TSPAN19: variants seen among roughly 807,000 people sequenced by gnomAD.
TSPAN19 encodes the protein tetraspanin 19.
A neutral mutation model predicts 35.1 loss-of-function variants in TSPAN19; 44 were observed. That is an observed-to-expected ratio of 1.25 (90% confidence interval 0.98 to 1.61). TSPAN19 has a LOEUF of 1.61. Among genes scored for constraint, TSPAN19 ranks in the 40% most tolerant of loss-of-function variants. TSPAN19 has a pLI of 0.00. For synonymous variants in TSPAN19, 79 were observed against 92.0 expected (o/e 0.86, Z 0.81); for missense variants, 290 against 280.0 (o/e 1.04, Z -0.26).
chr12:85,015,832 A>G (rs1016802372), intron 8 of TSPAN19, 56 bp downstream of exon 8: 1 of 1,310,496 alleles, frequency 7.6e-7, no homozygotes, highest in Middle Eastern at 1.9e-4. Flanking sequence ...TCTGCAGTCT[A>G]TTCTGTATAG....
chr12:85,033,627 G>T (rs1209882444), intron 1 of TSPAN19, among the ~76,000 whole-genome samples: 1 of 151,944 alleles, frequency 6.6e-6, no homozygotes, highest in Non-Finnish European at 1.5e-5. Flanking sequence ...CTTTATCGTC[G>T]ATATTTTGCA....
intron 5 of TSPAN19, among the ~76,000 whole-genome samples, chr12:85,020,181 A>G (rs1444623552): frequency 6.6e-6 from 1 of 151,804 alleles, no homozygotes; most frequent in Non-Finnish European, 1.5e-5. Flanking sequence ...TTTATTTTAC[A>G]ACTTTAGAAG....
intron 5 of TSPAN19, among the ~76,000 whole-genome samples, chr12:85,020,063 C>T (rs957891520): frequency 1.3e-5 from 2 of 151,834 alleles, no homozygotes; most frequent in Non-Finnish European, 2.9e-5. Flanking sequence ...TTATATAAGC[C>T]AAAAAAGTTT....
rs74792925 is a variant in TSPAN19, at chr12:85,015,402, T to C, written c.678+486A>G. 2,914 of 152,086 alleles carry C rather than the reference T, an allele frequency of 0.019. 131 individuals carry two copies. In the East Asian group the frequency reaches 0.2, roughly 11 times the overall value. The allele number at this position is 152,086 out of a possible 1,614,324, so 9.4% of individuals were successfully genotyped here. ...CATGACACACAGTAAATGCTCCCCG[T>C]CCCTCCAAATACATTGAATGAATGA... On this transcript the variant is annotated intron_variant, in intron 8 of 8. Transcript: ENST00000532498.
Position 85,023,383 on chromosome 12 carries a change from T to C in TSPAN19, c.282A>G (p.Thr94=). The C allele has an allele frequency of 1.9e-6, 3 of 1,585,924 alleles. No individual in the cohort carries two copies. The highest frequency in any genetic ancestry group is 1.7e-6 in the Non-Finnish European group (2 of 1,164,906). ...WLLIVYAVLI[T]WTFAVQVVLS... is the part of the protein sequence containing the mutation. Reference sequence around the variant, plus strand: ...GTACAACCTGAACAGCAAAGGTCCATGTTATCAATACTGCATACTAAAACA... The same window carrying C: ...GTACAACCTGAACAGCAAAGGTCCACGTTATCAATACTGCATACTAAAACA... The change falls in exon 5 of 9, where the codon ACA becomes ACG. Residue 94 remains threonine (T), a synonymous_variant. Coordinates refer to ENST00000532498, the MANE Select transcript of TSPAN19 (RefSeq NM_001100917.2).
chr12:85,033,183 T>C (rs996223065), intron 1 of TSPAN19, among the ~76,000 whole-genome samples: 2 of 151,852 alleles, frequency 1.3e-5, no homozygotes, highest in African/African-American at 4.8e-5. Flanking sequence ...CCTAGTTAGA[T>C]AAAAATGGGA....
At chr12:85,017,280 G>C (rs1876864956) in intron 7 of TSPAN19, 176 bp downstream of exon 7, 2 of 590,894 alleles carry the variant, frequency 3.4e-6, no homozygotes, top group Non-Finnish European at 5.9e-6. Flanking sequence ...TTATACACTG[G>C]AAATGACACT....
At chr12:85,015,353 G>T (rs1186443594) in intron 8 of TSPAN19, 1 of 151,980 alleles carries the variant, frequency 6.6e-6, no homozygotes, top group East Asian at 1.9e-4. Flanking sequence ...GCATCTCATT[G>T]TATATTCAAC....
Position 85,019,027 on chromosome 12 carries a change from G to A in TSPAN19, c.450+599C>T, listed in dbSNP as rs534655904. Among the ~76,000 whole-genome samples the A allele has an allele frequency of 1.1e-4, 17 of 151,850 alleles. No homozygotes were observed. In the South Asian group the frequency reaches 3.3e-3, roughly 30 times the overall value. On this transcript the variant is annotated intron_variant, in intron 6 of 8. Transcript: ENST00000532498. ...CTTACCCTTCCACTGCACCTGTCTG[G>A]AAAAATCTGCACTGTGAAATAATAA...
At chr12:85,025,012 A>T (rs1425553490) in intron 4 of TSPAN19, among the ~76,000 whole-genome samples, 2 of 152,140 alleles carry the variant, frequency 1.3e-5, no homozygotes, top group Admixed American at 6.5e-5. Flanking sequence ...GAGAAAAAAA[A>T]ATTCAGAGAC....
chr12:85,026,226 A>G (rs1268291469), intron 4 of TSPAN19, among the ~76,000 whole-genome samples: 1 of 152,100 alleles, frequency 6.6e-6, no homozygotes, highest in Admixed American at 6.6e-5. Context: ...CTTTGCCTAT[A>G]TGGAAATTTG....
rs539527476 is a variant in TSPAN19, at chr12:85,015,570, A to G, written c.678+318T>C. The G allele has an allele frequency of 2.0e-3, 356 of 178,094 alleles. 3 individuals are homozygous for G. Among genetic ancestry groups the G allele is most frequent in the African/African-American group, 7.9e-3 (335 of 42,524 alleles). 11.0% of individuals were successfully genotyped at this position (178,094 alleles called of 1,614,324 possible). ...CACACACACACACACACACACACAC[A>G]CACACACACACACACGTAAATATAT... On this transcript the variant is annotated intron_variant, in intron 8 of 8. Coordinates refer to ENST00000532498, the MANE Select transcript of TSPAN19 (RefSeq NM_001100917.2).
In TSPAN19 at chr12:85,023,419, A is replaced by C. The variant is rs1364709161; in HGVS notation, c.265-19T>G. On this transcript the variant is annotated intron_variant, in intron 4 of 8. Transcript: ENST00000532498. ...CTGCATACTAAAACAAAAGAAAAATAGAGATGATGACTATGCTACTAATAT... is the reference window on the plus strand; with the variant it reads ...CTGCATACTAAAACAAAAGAAAAATCGAGATGATGACTATGCTACTAATAT... 1 of 1,539,182 alleles carries C rather than the reference A, an allele frequency of 6.5e-7. No homozygotes were observed. The highest frequency in any genetic ancestry group is 8.8e-7 in the Non-Finnish European group (1 of 1,132,782).
At position 85,019,685 on chromosome 12, in the gene TSPAN19, A is replaced by G. The variant is rs749345562; in HGVS notation, c.391T>C (p.Ser131Pro). 3 of 1,609,936 alleles carry G rather than the reference A, an allele frequency of 1.9e-6. No homozygotes were observed. Among genetic ancestry groups the G allele is most frequent in the Non-Finnish European group, 2.5e-6 (3 of 1,177,754 alleles). Residue 131 changes from serine (S) to proline (P), a missense_variant, in exon 6 of 9, where the codon TCT becomes CCT. Physicochemically the swap from Ser to Pro is moderately conservative, Grantham distance 74 (BLOSUM62 -1). Transcript: ENST00000532498. Reference protein sequence around the residue: ...KIDFVISEYGSKDKPEDITKW... With the variant: ...KIDFVISEYGPKDKPEDITKW... ...GTTATATCTTCAGGCTTATCTTTAGATCCATACTCAGAAATGACAAAATCA... is the reference window on the plus strand; with the variant it reads ...GTTATATCTTCAGGCTTATCTTTAGGTCCATACTCAGAAATGACAAAATCA...
Position 85,021,659 on chromosome 12 carries a change from C to A in TSPAN19, c.339+1667G>T, listed in dbSNP as rs1251392853. ...AAATTTGGTAAGCATCTATGAAAGGCCTAGTTTATCTTCCACACTGAGTTA... is the reference window on the plus strand; with the variant it reads ...AAATTTGGTAAGCATCTATGAAAGGACTAGTTTATCTTCCACACTGAGTTA... On this transcript the variant is annotated intron_variant, in intron 5 of 8. Transcript: ENST00000532498. Among the ~76,000 whole-genome samples the A allele has an allele frequency of 3.3e-5, 5 of 151,946 alleles. No individual in the cohort carries two copies. In the East Asian group the frequency reaches 9.7e-4, roughly 29 times the overall value.
At chr12:85,020,827 T>C (rs561779406) in intron 5 of TSPAN19, among the ~76,000 whole-genome samples, 1 of 152,196 alleles carries the variant, frequency 6.6e-6, no homozygotes, top group Non-Finnish European at 1.5e-5. Context: ...GGATCTTTAT[T>C]TTTTGGTCTT....
At chr12:85,028,498 T>TCA (rs1365090586) in intron 3 of TSPAN19, among the ~76,000 whole-genome samples, 1 of 152,192 alleles carries the variant, frequency 6.6e-6, no homozygotes, top group Non-Finnish European at 1.5e-5. Flanking sequence ...GTGCTAGAGA[T>TCA]TATATATATT....
Position 85,015,940 on chromosome 12 carries a change from T to C in TSPAN19, c.626A>G (p.Asn209Ser), listed in dbSNP as rs1335402875. The C allele has an allele frequency of 2.6e-6, 4 of 1,549,858 alleles. No individual in the cohort carries two copies. Among genetic ancestry groups the C allele is most frequent in the Non-Finnish European group, 3.5e-6 (4 of 1,146,238 alleles). The change falls in exon 8 of 9, where the codon AAT (asparagine) becomes AGT (serine). Residue 209 changes from asparagine (N) to serine (S), a missense_variant. Transcript: ENST00000532498. ...GCENKISAWY[N>S]VNVLTLIGIN... ...TCCGATTAAGGTTAACACATTAACA[T>C]TATACCATGCACTGATTTTATTTTC... is the stretch of plus-strand genomic sequence containing the variant.
intron 1 of TSPAN19, among the ~76,000 whole-genome samples, chr12:85,032,694 G>A (rs995061929): frequency 3.3e-5 from 5 of 152,222 alleles, no homozygotes; most frequent in Non-Finnish European, 7.4e-5. Flanking sequence ...TGGAAACAAC[G>A]TCAATGAGAA....
Sources: allele counts gnomAD v4.1 joint callset (sites outside exome capture counted in the v4.1 genomes callset), GRCh38; gene constraint gnomAD v4.1.1; transcripts MANE v1.5; gene names NCBI Gene and HGNC (gene_info 2026-07-23, HGNC 2026-07-21).